The following ROBO2 variants were observed in gnomAD, a reference collection of about 807,000 sequenced individuals.
The protein encoded by ROBO2 is roundabout homolog 2.
Under a neutral mutation model 160.8 loss-of-function variants are expected in ROBO2, and 53 were observed. The ratio of observed to expected loss-of-function variants is 0.33; its 90% CI spans 0.26 to 0.41. The LOEUF is 0.41. ROBO2 is among the 10% of genes least tolerant of loss of function. The pLI is 1.00. For synonymous variants in ROBO2, 664 were observed against 611.7 expected (o/e 1.09, Z -1.26); for missense variants, 1,577 against 1,722.4 (o/e 0.92, Z 1.49).
intron 24 of ROBO2, among the ~76,000 whole-genome samples, chr3:77,644,005 G>A (rs113834015): frequency 6.6e-6 from 1 of 152,052 alleles, no homozygotes; most frequent in African/African-American, 2.4e-5. Flanking sequence ...AGACAGAGGG[G>A]ATGGGGTGTG....
intron 2 of ROBO2, among the ~76,000 whole-genome samples, chr3:76,431,142 A>C (rs2109016276): frequency 6.6e-6 from 1 of 152,230 alleles, no homozygotes; most frequent in African/African-American, 2.4e-5. Flanking sequence ...AAAGTTCATA[A>C]AAAGATAAAC....
chr3:75,960,868 T>C (rs1257184639), intron 2 of ROBO2, among the ~76,000 whole-genome samples: 3 of 151,712 alleles, frequency 2.0e-5, no homozygotes, highest in Non-Finnish European at 2.9e-5. Context: ...TATGAAGATA[T>C]TGGAAATATT....
chr3:77,241,757 T>G (rs1296894557), intron 2 of ROBO2, among the ~76,000 whole-genome samples: 1 of 152,144 alleles, frequency 6.6e-6, no homozygotes, highest in Admixed American at 6.6e-5. Flanking sequence ...GACCTCTAAT[T>G]CAGGGCTTTT....
chr3:76,833,052 G>A (rs1353732110), intron 2 of ROBO2, among the ~76,000 whole-genome samples: 2 of 152,134 alleles, frequency 1.3e-5, no homozygotes, highest in East Asian at 1.9e-4. Context: ...ATAGGAAAGA[G>A]TGAATACAAG....
exon 20 of ROBO2, chr3:77,602,270 C>A (rs2094444125): frequency 6.2e-7 from 1 of 1,614,004 alleles, no homozygotes; most frequent in Admixed American, 1.7e-5. Flanking sequence ...TCAGATGGAG[C>A]CATTTATAGT....
chr3:77,595,280 T>A, intron 18 of ROBO2, 96 bp downstream of exon 19: 2 of 962,192 alleles, frequency 2.1e-6, no homozygotes, highest in Non-Finnish European at 3.2e-6. Flanking sequence ...AATGATCACT[T>A]AAAAGTCTGA....
intron 2 of ROBO2, among the ~76,000 whole-genome samples, chr3:76,244,753 T>C (rs1011606576): frequency 3.4e-4 from 51 of 152,172 alleles, no homozygotes; most frequent in African/African-American, 1.1e-3. Context: ...TATGGGATAA[T>C]GGGTAAAATG....
chr3:77,058,175 C>G (rs2065946668), intron 1 of ROBO2, among the ~76,000 whole-genome samples: 1 of 152,000 alleles, frequency 6.6e-6, no homozygotes, highest in Non-Finnish European at 1.5e-5. Flanking sequence ...CAAGTATCAC[C>G]TGAATAAAAT....
At chr3:76,540,115 CA>C (rs377570319) in intron 2 of ROBO2, among the ~76,000 whole-genome samples, 30 of 138,858 alleles carry the variant, frequency 2.2e-4, no homozygotes, top group Non-Finnish European at 1.7e-4. Flanking sequence ...CATGAGGAAA[CA>C]AAAAAAAAAG....
chr3:76,149,740 GCA>G (rs2072081741), intron 2 of ROBO2, among the ~76,000 whole-genome samples: 1 of 122,478 alleles, frequency 8.2e-6, no homozygotes, highest in Non-Finnish European at 1.8e-5. Flanking sequence ...TCTGTCTAAA[GCA>G]CACATCATAT....
At chr3:77,508,361 T>C (rs1004264907) in intron 5 of ROBO2, among the ~76,000 whole-genome samples, 6 of 148,110 alleles carry the variant, frequency 4.1e-5, no homozygotes, top group Non-Finnish European at 8.9e-5. Flanking sequence ...ACATATATTA[T>C]TATAAAATGT....
At chr3:76,728,846 AT>A (rs1166614039) in intron 2 of ROBO2, among the ~76,000 whole-genome samples, 1 of 152,132 alleles carries the variant, frequency 6.6e-6, no homozygotes, top group Non-Finnish European at 1.5e-5. Flanking sequence ...ACGTTTCCCC[AT>A]TTTTGTTTTA....
chr3:76,448,562 A>T (rs565256214), intron 2 of ROBO2, among the ~76,000 whole-genome samples: 145 of 152,266 alleles, frequency 9.5e-4, no homozygotes, highest in Non-Finnish European at 1.6e-3. Context: ...AATTTGCTTA[A>T]TCTATTTATG....
intron 2 of ROBO2, among the ~76,000 whole-genome samples, chr3:76,269,107 A>G (rs1409857502): frequency 1.3e-5 from 2 of 152,144 alleles, no homozygotes. Flanking sequence ...ATAGCACAGC[A>G]GGATGATTGC....
intron 2 of ROBO2, among the ~76,000 whole-genome samples, chr3:76,573,274 GA>G: frequency 6.6e-6 from 1 of 152,004 alleles, no homozygotes; most frequent in Non-Finnish European, 1.5e-5. Flanking sequence ...AACTGGGGTT[GA>G]TAATAGCTAC....
chr3:77,128,641 T>G (rs147801507), intron 2 of ROBO2, among the ~76,000 whole-genome samples: 1,656 of 152,338 alleles, frequency 0.011, 34 homozygotes, highest in African/African-American at 0.038. Context: ...ATATTATGTT[T>G]TTCTTCACCA....
chr3:75,910,023 A>G (rs1489769265), intron 1 of ROBO2, among the ~76,000 whole-genome samples: 2 of 152,208 alleles, frequency 1.3e-5, no homozygotes, highest in Admixed American at 6.5e-5. Flanking sequence ...TGGAGAACTG[A>G]GACCACATGA....
At chr3:76,133,149 A>G (rs1343502915) in intron 2 of ROBO2, among the ~76,000 whole-genome samples, 2 of 152,168 alleles carry the variant, frequency 1.3e-5, no homozygotes, top group African/African-American at 4.8e-5. Flanking sequence ...GCACCTCTCT[A>G]AAACAGCAAA....
intron 2 of ROBO2, among the ~76,000 whole-genome samples, chr3:77,411,989 T>G (rs778353579): frequency 3.9e-5 from 6 of 152,234 alleles, no homozygotes; most frequent in Non-Finnish European, 5.9e-5. Context: ...CAATTTTAGT[T>G]GGCTATTAGA....
Sources: allele counts gnomAD v4.1 joint callset (sites outside exome capture counted in the v4.1 genomes callset), GRCh38; gene constraint gnomAD v4.1.1; transcripts MANE v1.5; gene names NCBI Gene and HGNC (gene_info 2026-07-23, HGNC 2026-07-21).